Variants in NFASC observed in about 807,000 individuals in gnomAD.
NFASC encodes neurofascin homolog.
Under a neutral mutation model 147.5 loss-of-function variants are expected in NFASC, and 43 were observed. The ratio of observed to expected loss-of-function variants is 0.29; its 90% CI spans 0.23 to 0.38. NFASC has a LOEUF of 0.38. Among genes scored for constraint, NFASC ranks in the 10% least tolerant of loss-of-function variants. The pLI, the probability that NFASC is intolerant of heterozygous loss-of-function variation, is 1.00. For synonymous variants in NFASC, 622 were observed against 665.5 expected (o/e 0.93, Z 1.01); for missense variants, 1,320 against 1,689.0 (o/e 0.78, Z 3.83).
intron 25 of NFASC, chr1:204,998,472 G>A (rs1558425317): frequency 6.6e-6 from 1 of 152,334 alleles, no homozygotes; most frequent in East Asian, 1.9e-4. Flanking sequence ...GAGGATGGAG[G>A]CTTAATAGAC....
chr1:204,865,071 A>G (rs926592627), intron 1 of NFASC, among the ~76,000 whole-genome samples: 11 of 152,182 alleles, frequency 7.2e-5, no homozygotes, highest in African/African-American at 2.7e-4. Flanking sequence ...TTTAGCACTC[A>G]TATTTGGGTT....
At chr1:204,891,661 A>G (rs1336343472) in intron 1 of NFASC, among the ~76,000 whole-genome samples, 1 of 152,172 alleles carries the variant, frequency 6.6e-6, no homozygotes, top group Non-Finnish European at 1.5e-5. Flanking sequence ...ACACCTCTAT[A>G]GCACTGTGGA....
rs545480874 is a variant in NFASC, at chr1:204,933,789, T to A, written c.-90-10437T>A. ...AGAAGAGAAGAGATGGAGAAAAAAA[T>A]TCTAGTATGCATATATAGGGAGGCT... On this transcript the variant is annotated intron_variant, in intron 2 of 29. Transcript: ENST00000339876. Among the ~76,000 whole-genome samples the A allele has an allele frequency of 3.1e-3, 459 of 149,492 alleles. 3 individuals carry two copies. Among genetic ancestry groups the A allele is most frequent in the African/African-American group, 0.011 (431 of 40,680 alleles).
chr1:204,853,550 G>A lies in NFASC; in HGVS notation c.-200+24768G>A, dbSNP rs963740802. Among the ~76,000 whole-genome samples the A allele has an allele frequency of 2.0e-5, 3 of 152,300 alleles. No homozygotes were observed. The South Asian group carries it at 6.2e-4, about 32-fold the overall frequency. Reference sequence around the variant, plus strand: ...AAGCGGAAGCCAACTGAAGCATAGGGTTTATAACCTGGAGCCAGTGCTTTG... The same window carrying A: ...AAGCGGAAGCCAACTGAAGCATAGGATTTATAACCTGGAGCCAGTGCTTTG... On this transcript the variant is annotated intron_variant, in intron 1 of 29. Coordinates refer to ENST00000339876, the MANE Select transcript of NFASC (RefSeq NM_001005388.3).
intron 2 of NFASC, among the ~76,000 whole-genome samples, chr1:204,924,604 G>A (rs552007053): frequency 2.0e-5 from 3 of 152,304 alleles, no homozygotes; most frequent in South Asian, 4.2e-4. Context: ...GGAGCCCAGA[G>A]GGGATTTGGC....
chr1:204,987,131 T>C lies in NFASC; in HGVS notation c.2471-287T>C. On this transcript the variant is annotated intron_variant, in intron 21 of 29. Transcript: ENST00000339876. The surrounding 1 kb of genome is among the most constrained non-coding windows in gnomAD (Gnocchi z 4.4). ...ATCTTTGCAGAATCAGAGCCTAACA[T>C]GTGCTGAATCCAGAGTAGTTGCTAG... The C allele has an allele frequency of 2.2e-6, 1 of 463,224 alleles. No homozygotes were observed. The allele number at this position is 463,224 out of a possible 1,614,324, so 28.7% of individuals were successfully genotyped here.
intron 3 of NFASC, chr1:204,946,260 C>T: frequency 1.0e-5 from 5 of 486,730 alleles, no homozygotes; most frequent in Non-Finnish European, 2.1e-5. Context: ...GTGTCATGCA[C>T]CAGGAAGTGA....
Position 204,954,913 on chromosome 1 carries a change from C to T in NFASC, c.497C>T (p.Pro166Leu). 2 of 1,614,146 alleles carry T rather than the reference C, an allele frequency of 1.2e-6. No individual in the cohort carries two copies. The highest frequency in any genetic ancestry group is 1.7e-6 in the Non-Finnish European group (2 of 1,180,038). ...APLTLQCNPP[P>L]GLPSPVIFWM... ...TTGACGCTCCAGTGCAACCCCCCGCCTGGACTTCCATCCCCGGTCATCTTC... is the reference window on the plus strand; with the variant it reads ...TTGACGCTCCAGTGCAACCCCCCGCTTGGACTTCCATCCCCGGTCATCTTC... The change falls in exon 7 of 30, where the codon CCT becomes CTT. Residue 166 changes from proline to leucine, a missense_variant. Physicochemically the swap from Pro to Leu is moderately conservative, Grantham distance 98 (BLOSUM62 -3). Around this residue, in one of 3 missense-constraint regions of NFASC, gnomAD observed 981 missense variants for 1,289.5 expected, o/e 0.76. Coordinates refer to ENST00000339876, the MANE Select transcript of NFASC (RefSeq NM_001005388.3). The surrounding 1 kb of genome is among the most constrained non-coding windows in gnomAD (Gnocchi z 5.7).
chr1:204,937,809 T>A (rs1324174361), intron 2 of NFASC, among the ~76,000 whole-genome samples: 1 of 152,202 alleles, frequency 6.6e-6, no homozygotes, highest in Non-Finnish European at 1.5e-5. Flanking sequence ...ACTGGATTTT[T>A]GGTTCAACAT....
At chr1:204,955,443 C>T (rs565996145) in intron 7 of NFASC, among the ~76,000 whole-genome samples, 13 of 152,102 alleles carry the variant, frequency 8.5e-5, no homozygotes, top group Middle Eastern at 6.8e-3. Flanking sequence ...AATTATTGGC[C>T]GGTCTGGATT....
intron 2 of NFASC, among the ~76,000 whole-genome samples, chr1:204,938,747 A>C (rs971406072): frequency 6.6e-6 from 1 of 152,254 alleles, no homozygotes; most frequent in Non-Finnish European, 1.5e-5. Flanking sequence ...GTGTTCAGGC[A>C]GGTTGCCCAT....
intron 3 of NFASC, chr1:204,947,035 C>A: frequency 5.9e-6 from 2 of 340,612 alleles, no homozygotes; most frequent in Non-Finnish European, 1.2e-5. Flanking sequence ...TGATAGCCAC[C>A]CTGGAGGAAA....
chr1:204,840,909 G>A (rs1340861450), intron 1 of NFASC, among the ~76,000 whole-genome samples: 1 of 152,226 alleles, frequency 6.6e-6, no homozygotes, highest in African/African-American at 2.4e-5. Context: ...TTTCTCAGTT[G>A]TAAAATGAGG....
Position 204,975,626 on chromosome 1 carries a change from C to T in NFASC, c.1706+208C>T, listed in dbSNP as rs1182494665. Among the ~76,000 whole-genome samples the T allele has an allele frequency of 6.6e-6, 1 of 152,012 alleles. No homozygotes were observed. ...CGACCCTGTACAACCTCCCTCTCTC[C>T]CACCAGCTCCCTGCTTCTCTCTCCT... is the stretch of plus-strand genomic sequence containing the variant. On this transcript the variant is annotated intron_variant, in intron 15 of 29. Coordinates refer to ENST00000339876, the MANE Select transcript of NFASC (RefSeq NM_001005388.3). The surrounding 1 kb of genome is among the most constrained non-coding windows in gnomAD (Gnocchi z 4.0).
chr1:204,866,384 C>T (rs981166057), intron 1 of NFASC, among the ~76,000 whole-genome samples: 1 of 152,160 alleles, frequency 6.6e-6, no homozygotes, highest in African/African-American at 2.4e-5. Context: ...GTGGATGGGG[C>T]TTTTGGAGCT....
chr1:204,931,082 GA>G (rs1177999388), intron 2 of NFASC, among the ~76,000 whole-genome samples: 11 of 147,486 alleles, frequency 7.5e-5, no homozygotes, highest in Admixed American at 3.4e-4. Context: ...TTAAGAAGAA[GA>G]AAAAAAAAAG....
intron 2 of NFASC, among the ~76,000 whole-genome samples, chr1:204,941,972 T>C (rs971987619): frequency 9.2e-5 from 14 of 152,190 alleles, no homozygotes; most frequent in Admixed American, 4.6e-4. Flanking sequence ...ATGGTCCAAA[T>C]GGCTTCTTAT....
At chr1:204,878,483 A>G (rs558836464) in intron 1 of NFASC, among the ~76,000 whole-genome samples, 10 of 152,356 alleles carry the variant, frequency 6.6e-5, no homozygotes, top group African/African-American at 2.4e-4. Context: ...TTACAATGGA[A>G]ATCAGGCCTG....
chr1:204,836,762 C>G (rs573663679), intron 1 of NFASC, among the ~76,000 whole-genome samples: 1 of 152,254 alleles, frequency 6.6e-6, no homozygotes, highest in African/African-American at 2.4e-5. Flanking sequence ...AGGGCAGAAA[C>G]TGGATATCTT....
Sources: allele counts gnomAD v4.1 joint callset (sites outside exome capture counted in the v4.1 genomes callset), GRCh38; gene constraint gnomAD v4.1.1; regional missense constraint gnomAD v4.1.1; non-coding constraint Gnocchi (gnomAD v3.1); transcripts MANE v1.5; gene names NCBI Gene and HGNC (gene_info 2026-07-23, HGNC 2026-07-21).